Variants in EVL observed in about 807,000 individuals in gnomAD.
EVL encodes ena/VASP-like protein.
In EVL, 21 loss-of-function variants were observed where a neutral mutation model predicts 59.6. That is an observed-to-expected ratio of 0.35 (90% CI 0.25 to 0.51). The LOEUF (loss-of-function observed/expected upper bound fraction) is 0.51. Ranked by LOEUF, EVL falls within the 20% of genes least tolerant of loss-of-function variation. The pLI, the probability that EVL is intolerant of heterozygous loss-of-function variation, is 0.97. For synonymous variants in EVL, 198 were observed against 203.5 expected, an observed-to-expected ratio of 0.97 and a Z score of 0.23; for missense variants, 462 against 546.6, an observed-to-expected ratio of 0.85 and a Z score of 1.54.
chr14:100,100,898 T>C (rs1886173680), intron 3 of EVL, among the ~76,000 whole-genome samples: 1 of 152,172 alleles, frequency 6.6e-6, no homozygotes, highest in African/African-American at 2.4e-5. Flanking sequence ...CACCATCTAC[T>C]TTTAAACATG....
Position 100,019,563 on chromosome 14 carries a change from G to A in EVL, c.5+47506G>A, listed in dbSNP as rs552640904. ...GAATATTGGGGGGTGTGGAAACCCCGCCTCATTTTTCTGCACTTTGCACCA... is the reference window on the plus strand; with the variant it reads ...GAATATTGGGGGGTGTGGAAACCCCACCTCATTTTTCTGCACTTTGCACCA... On this transcript the variant is annotated intron_variant, in intron 1 of 13. Coordinates refer to the EVL transcript ENST00000402714. 38 of 1,016,868 alleles carry A rather than the reference G, an allele frequency of 3.7e-5. No homozygotes were observed. The Admixed American group carries it at 4.9e-4, about 13-fold the overall frequency. 63.0% of individuals were successfully genotyped at this position (1,016,868 alleles called of 1,614,324 possible).
At position 100,130,282 on chromosome 14, in the gene EVL, T is replaced by TC. The variant is rs1888352868; in HGVS notation, c.839+599dup. On this transcript the variant is annotated intron_variant, in intron 7 of 13. Transcript: ENST00000392920. The surrounding 1 kb of genome is among the most constrained non-coding windows in gnomAD (Gnocchi z 4.8). ...TGTGGCTGCAGCCTGCCATTGTGGC[T>TC]CTCCGCTGTTCCCCAAATGAAACCC... 6.6e-6 allele frequency among the ~76,000 whole-genome samples: 1 copy of TC among 152,196 alleles called. No individual in the cohort carries two copies. Among genetic ancestry groups the TC allele is most frequent in the African/African-American group, 2.4e-5 (1 of 41,444 alleles).
chr14:100,019,833 T>C lies in EVL; in HGVS notation c.5+47776T>C, dbSNP rs1277123362. The C allele has an allele frequency of 6.4e-6, 5 of 786,018 alleles. No individual in the cohort carries two copies. The African/African-American group carries it at 8.8e-5, about 14-fold the overall frequency. 48.7% of individuals were successfully genotyped at this position (786,018 alleles called of 1,614,324 possible). Reference sequence around the variant, plus strand: ...CTTGTGGTGGGGTTTATCCCAGTCATGGGGGTGGGAGGTGCAGAGGTGGTG... The same window carrying C: ...CTTGTGGTGGGGTTTATCCCAGTCACGGGGGTGGGAGGTGCAGAGGTGGTG... On this transcript the variant is annotated intron_variant, in intron 1 of 13. Coordinates refer to the EVL transcript ENST00000402714.
chr14:100,102,173 T>C (rs2140328374), intron 3 of EVL: 1 of 445,400 alleles, frequency 2.2e-6, no homozygotes, highest in Non-Finnish European at 4.5e-6. Context: ...GGGTGAACAT[T>C]TGCATACATT....
At chr14:99,994,920 GTATTCT>G (rs1321924926) in intron 1 of EVL, among the ~76,000 whole-genome samples, 1 of 152,092 alleles carries the variant, frequency 6.6e-6, no homozygotes. Flanking sequence ...GCTGCATGTA[GTATTCT>G]TATTTGACAG....
chr14:100,143,785 A>AGGACAGCCAGAAGCCC lies in EVL; in HGVS notation c.*48_*63dup, dbSNP rs1420599128. 1.9e-6 allele frequency: 3 copies of AGGACAGCCAGAAGCCC among 1,597,912 alleles called. No homozygotes were observed. The highest frequency in any genetic ancestry group is 2.6e-6 in the Non-Finnish European group (3 of 1,172,454). On this transcript the variant is annotated 3_prime_UTR_variant, in exon 14 of 14. Transcript: ENST00000392920. The stretch of plus-strand genomic sequence containing the variant: ...ATTCGTCGAGCCCATCCGGCGACAG[A>AGGACAGCCAGAAGCCC]GGACAGCCAGAAGCCCAGCCAGCCC...
At chr14:100,005,697 C>T (rs2060974452) in intron 1 of EVL, among the ~76,000 whole-genome samples, 1 of 151,414 alleles carries the variant, frequency 6.6e-6, no homozygotes, top group East Asian at 1.9e-4. Flanking sequence ...TTTAATTAAA[C>T]TGACTTTTAA....
intron 1 of EVL, among the ~76,000 whole-genome samples, chr14:100,009,279 G>A (rs1023653011): frequency 6.6e-6 from 1 of 152,200 alleles, no homozygotes. Context: ...CACCCGTGTG[G>A]CCTCATTTCA....
At chr14:100,142,487 G>C (rs990015316) in intron 13 of EVL, among the ~76,000 whole-genome samples, 3 of 152,252 alleles carry the variant, frequency 2.0e-5, no homozygotes, top group African/African-American at 7.2e-5. Flanking sequence ...GCCAGTGCCA[G>C]CTCCCCACGT....
At chr14:100,013,967 T>G (rs1318463938) in intron 1 of EVL, among the ~76,000 whole-genome samples, 1 of 152,246 alleles carries the variant, frequency 6.6e-6, no homozygotes, top group African/African-American at 2.4e-5. Context: ...GTGTAATAAC[T>G]AATTACAAAT....
intron 1 of EVL, among the ~76,000 whole-genome samples, chr14:100,046,304 A>G (rs569273326): frequency 6.6e-6 from 1 of 152,328 alleles, no homozygotes; most frequent in Admixed American, 6.5e-5. Flanking sequence ...ATGAGTATAT[A>G]TGAGGCTTAG....
intron 1 of EVL, among the ~76,000 whole-genome samples, chr14:100,011,311 T>C (rs1235983510): frequency 6.6e-6 from 1 of 152,214 alleles, no homozygotes; most frequent in Non-Finnish European, 1.5e-5. Context: ...TTGACTTACT[T>C]TTGAATAGAG....
rs1889359580 is a variant in EVL at position 100,143,810 on chromosome 14, CCA to C, written c.*73_*74del. On this transcript the variant is annotated 3_prime_UTR_variant, in exon 14 of 14. Coordinates refer to ENST00000392920, the MANE Select transcript of EVL (RefSeq NM_016337.3). Reference sequence around the variant, plus strand: ...AGGACAGCCAGAAGCCCAGCCAGCCCCAGACTCCAGTGCACCAGAGCACGCAC... The same window carrying C: ...AGGACAGCCAGAAGCCCAGCCAGCCCGACTCCAGTGCACCAGAGCACGCAC... 1.9e-6 allele frequency: 3 copies of C among 1,562,680 alleles called. No individual in the cohort carries two copies. Among genetic ancestry groups the C allele is most frequent in the Non-Finnish European group, 2.6e-6 (3 of 1,149,130 alleles).
intron 3 of EVL, among the ~76,000 whole-genome samples, chr14:100,102,992 C>T (rs1376494439): frequency 4.0e-5 from 6 of 151,438 alleles, no homozygotes; most frequent in Non-Finnish European, 5.9e-5. Context: ...GTCCCAGCTA[C>T]TTGGGAGGCT....
intron 1 of EVL, among the ~76,000 whole-genome samples, chr14:100,031,023 C>A (rs758595043): frequency 2.0e-4 from 30 of 151,720 alleles, no homozygotes; most frequent in South Asian, 6.3e-4. Flanking sequence ...CAAGTGAGAA[C>A]TCAGTGAAGA....
intron 1 of EVL, among the ~76,000 whole-genome samples, chr14:100,079,378 A>G (rs1762659774): frequency 1.3e-5 from 2 of 152,226 alleles, no homozygotes; most frequent in African/African-American, 4.8e-5. Flanking sequence ...TTTGTTTAAC[A>G]ATTATTCATG....
intron 3 of EVL, among the ~76,000 whole-genome samples, chr14:100,117,415 CCTT>C (rs1346986623): frequency 2.0e-5 from 3 of 152,348 alleles, no homozygotes; most frequent in Admixed American, 6.5e-5. Flanking sequence ...GCTGGGCTCC[CCTT>C]CTTGCTCTCC....
intron 1 of EVL, among the ~76,000 whole-genome samples, chr14:99,973,685 A>G (rs2060750706): frequency 6.6e-6 from 1 of 151,940 alleles, no homozygotes; most frequent in Admixed American, 6.6e-5. Flanking sequence ...CGGGTCTCGA[A>G]CTCCTGACCT....
upstream of EVL, among the ~76,000 whole-genome samples, chr14:100,062,428 C>CT (rs1298289113): frequency 6.7e-6 from 1 of 149,544 alleles, no homozygotes; most frequent in Non-Finnish European, 1.5e-5. Context: ...AGAAAGACCT[C>CT]TAAAAAAAAA....
Sources: allele counts gnomAD v4.1 joint callset (sites outside exome capture counted in the v4.1 genomes callset), GRCh38; gene constraint gnomAD v4.1.1; non-coding constraint Gnocchi (gnomAD v3.1); transcripts MANE v1.5; gene names NCBI Gene and HGNC (gene_info 2026-07-23, HGNC 2026-07-21).